Variants in SKAP1 observed in about 807,000 individuals in gnomAD.
SKAP1 encodes src kinase-associated phosphoprotein 1.
A neutral mutation model predicts 58.5 loss-of-function variants in SKAP1; 44 were observed. That is an observed-to-expected ratio of 0.75 (90% CI 0.59 to 0.97). SKAP1 has a LOEUF of 0.97. SKAP1 is among the 50% of genes least tolerant of loss of function. The pLI is 0.00. For synonymous variants in SKAP1, 127 were observed against 149.7 expected, an observed-to-expected ratio of 0.85 and a Z score of 1.11; for missense variants, 390 against 435.2, an observed-to-expected ratio of 0.90 and a Z score of 0.92.
At chr17:48,240,029 T>C (rs2065228512) in intron 4 of SKAP1, among the ~76,000 whole-genome samples, 1 of 152,126 alleles carries the variant, frequency 6.6e-6, no homozygotes, top group Non-Finnish European at 1.5e-5. Flanking sequence ...TGGATTCAGT[T>C]AGTAAAATGT....
At chr17:48,135,845 A>G (rs922030267) in intron 12 of SKAP1, among the ~76,000 whole-genome samples, 1 of 152,180 alleles carries the variant, frequency 6.6e-6, no homozygotes, top group Non-Finnish European at 1.5e-5. Context: ...ATATGTTCCA[A>G]TATAAGGAAT....
chr17:48,190,064 G>A (rs1372002394), intron 4 of SKAP1, among the ~76,000 whole-genome samples: 2 of 151,512 alleles, frequency 1.3e-5, no homozygotes, highest in African/African-American at 4.9e-5. Flanking sequence ...GTGAGGTAGC[G>A]TAAATATGCA....
At chr17:48,424,930 C>CAAAA (rs11430293) in intron 1 of SKAP1, among the ~76,000 whole-genome samples, 2 of 84,440 alleles carry the variant, frequency 2.4e-5, no homozygotes, top group Non-Finnish European at 4.9e-5. Context: ...GACTCTGTCT[C>CAAAA]AAAAAAAAAA....
At chr17:48,238,395 T>G (rs967502589) in intron 4 of SKAP1, among the ~76,000 whole-genome samples, 2 of 152,154 alleles carry the variant, frequency 1.3e-5, no homozygotes, top group Admixed American at 1.3e-4. Flanking sequence ...AGTTTGTTTA[T>G]TTATTTATTT....
At chr17:48,359,139 A>G (rs892007246) in intron 3 of SKAP1, among the ~76,000 whole-genome samples, 12 of 152,146 alleles carry the variant, frequency 7.9e-5, no homozygotes, top group African/African-American at 2.4e-5. Context: ...CCTTTACATT[A>G]TGGAGAAGTT....
chr17:48,319,259 C>A (rs961781570), intron 4 of SKAP1, among the ~76,000 whole-genome samples: 2 of 152,150 alleles, frequency 1.3e-5, no homozygotes, highest in Admixed American at 1.3e-4. Flanking sequence ...ACAATCTTCA[C>A]CTGCCACACC....
At chr17:48,418,694 T>G (rs2067760104) in intron 1 of SKAP1, among the ~76,000 whole-genome samples, 1 of 152,188 alleles carries the variant, frequency 6.6e-6, no homozygotes, top group Non-Finnish European at 1.5e-5. Context: ...CTGAAAACAA[T>G]TCATTGTTTA....
At chr17:48,170,546 C>T in intron 10 of SKAP1, 63 bp downstream of exon 10, 1 of 1,391,048 alleles carries the variant, frequency 7.2e-7, no homozygotes, top group Non-Finnish European at 1.0e-6. Flanking sequence ...GAGAAAGGTG[C>T]TTTCTCTAAT....
At chr17:48,140,798 A>G (rs572378158) in intron 11 of SKAP1, among the ~76,000 whole-genome samples, 92 of 134,682 alleles carry the variant, frequency 6.8e-4, no homozygotes, top group African/African-American at 2.4e-3. Flanking sequence ...TTTTTTTAAG[A>G]TGGAGTCTTG....
chr17:48,204,981 C>CT (rs1567819762), intron 4 of SKAP1, among the ~76,000 whole-genome samples: 4,716 of 55,760 alleles, frequency 0.085, 282 homozygotes, highest in African/African-American at 0.27. Flanking sequence ...TCTTTTCTTT[C>CT]TTTCTTTCTT....
intron 2 of SKAP1, among the ~76,000 whole-genome samples, chr17:48,389,794 T>G (rs2067324028): frequency 6.6e-6 from 1 of 152,092 alleles, no homozygotes; most frequent in Admixed American, 6.5e-5. Context: ...CACTTTATGC[T>G]CAACTCATTT....
intron 4 of SKAP1, among the ~76,000 whole-genome samples, chr17:48,342,101 A>G (rs972054193): frequency 6.6e-6 from 1 of 152,186 alleles, no homozygotes; most frequent in Non-Finnish European, 1.5e-5. Context: ...AAACAATCAG[A>G]TCTTGAGCTT....
Position 48,271,362 on chromosome 17 carries a change from CTT to C in SKAP1, c.280+74541_280+74542del, listed in dbSNP as rs35447830. 7.2e-3 allele frequency among the ~76,000 whole-genome samples: 761 copies of C among 106,206 alleles called. 3 individuals carry two copies. The highest frequency in any genetic ancestry group is 0.012 in the Non-Finnish European group (603 of 52,132). 69.7% of individuals were successfully genotyped at this position (106,206 alleles called of 152,430 possible). ...TATTAATATTCTTGTTTCTTTGTTT[CTT>C]TTTTTTTTTTTTTTTTTTTTGAGAC... On this transcript the variant is annotated intron_variant, in intron 4 of 12. Coordinates refer to ENST00000336915, the MANE Select transcript of SKAP1 (RefSeq NM_003726.4).
intron 3 of SKAP1, among the ~76,000 whole-genome samples, chr17:48,350,479 T>C (rs1441044200): frequency 6.6e-6 from 1 of 152,168 alleles, no homozygotes; most frequent in Non-Finnish European, 1.5e-5. Context: ...GCAGATCACC[T>C]GAGTTTCGGG....
intron 10 of SKAP1, 169 bp from the exon 11 acceptor site, chr17:48,162,738 T>C: frequency 3.8e-6 from 2 of 522,856 alleles, no homozygotes; most frequent in Non-Finnish European, 6.8e-6. Flanking sequence ...CAAAGGACTA[T>C]GGGAGAAGGA....
chr17:48,367,560 C>CTATATATATATATATGGATATATAT (rs2067023477), intron 2 of SKAP1, among the ~76,000 whole-genome samples: 1 of 136,798 alleles, frequency 7.3e-6, no homozygotes, highest in Non-Finnish European at 1.6e-5. Flanking sequence ...GGATATATAT[C>CTATATATATATATATGGATATATAT]CATATATATA....
At chr17:48,241,835 T>A (rs1446602482) in intron 4 of SKAP1, among the ~76,000 whole-genome samples, 6 of 152,162 alleles carry the variant, frequency 3.9e-5, no homozygotes, top group African/African-American at 1.4e-4. Flanking sequence ...AACTGGGAGT[T>A]TTTTCCATTT....
At chr17:48,277,926 A>C (rs1028481578) in intron 4 of SKAP1, among the ~76,000 whole-genome samples, 2 of 152,230 alleles carry the variant, frequency 1.3e-5, no homozygotes, top group African/African-American at 4.8e-5. Context: ...GGAAATTATG[A>C]ATAGTAATGG....
At chr17:48,190,710 GC>G (rs1210750995) in intron 4 of SKAP1, among the ~76,000 whole-genome samples, 2 of 152,128 alleles carry the variant, frequency 1.3e-5, no homozygotes. Flanking sequence ...AAGAGGCTGG[GC>G]CCAGTGGCTC....
Sources: gnomAD v4.1 joint callset for allele counts (sites outside exome capture counted in the v4.1 genomes callset) on GRCh38, gnomAD v4.1.1 for gene constraint, MANE v1.5 for transcripts, NCBI Gene and HGNC (gene_info 2026-07-23, HGNC 2026-07-21) for gene names.